PTPRD: variants seen among roughly 807,000 people sequenced by gnomAD.
PTPRD encodes the protein protein tyrosine phosphatase receptor type D, also known as receptor-type tyrosine-protein phosphatase delta.
A neutral mutation model predicts 214.5 loss-of-function variants in PTPRD; 34 were observed. The ratio of observed to expected loss-of-function variants is 0.16; its 90% CI spans 0.12 to 0.21. The LOEUF is 0.21. Ranked by LOEUF, PTPRD falls within the 10% of genes least tolerant of loss-of-function variation. The probability of loss-of-function intolerance (pLI) is 1.00; values close to 1 mark genes in which losing one functional copy is unlikely to be tolerated. For synonymous variants in PTPRD, 1,128 were observed against 845.7 expected (o/e 1.33, Z -5.79); for missense variants, 2,545 against 2,398.7 (o/e 1.06, Z -1.27).
chr9:9,489,708 C>G (rs994134744), intron 8 of PTPRD, among the ~76,000 whole-genome samples: 2 of 152,018 alleles, frequency 1.3e-5, no homozygotes, highest in African/African-American at 4.8e-5. Context: ...AAAAATATCA[C>G]TGAGTCTTTA....
intron 11 of PTPRD, among the ~76,000 whole-genome samples, chr9:8,881,849 C>G (rs1277960895): frequency 6.6e-6 from 1 of 152,182 alleles, no homozygotes; most frequent in Non-Finnish European, 1.5e-5. Context: ...CCTCAGTTAC[C>G]TTTCTAGACA....
chr9:10,580,509 A>C (rs2071356697), intron 2 of PTPRD, among the ~76,000 whole-genome samples: 1 of 152,138 alleles, frequency 6.6e-6, no homozygotes, highest in Non-Finnish European at 1.5e-5. Context: ...TAATTGCATA[A>C]AATTTTGTTA....
intron 8 of PTPRD, among the ~76,000 whole-genome samples, chr9:9,407,030 A>C (rs1317249728): frequency 3.3e-5 from 5 of 151,814 alleles, no homozygotes; most frequent in South Asian, 2.1e-4. Flanking sequence ...TTTTCTCATA[A>C]GTAAATAGGA....
At chr9:9,221,148 C>T (rs1299197757) in intron 9 of PTPRD, among the ~76,000 whole-genome samples, 1 of 152,008 alleles carries the variant, frequency 6.6e-6, no homozygotes, top group African/African-American at 2.4e-5. Context: ...TAAGAGATTG[C>T]CTCAACAATT....
At chr9:8,843,030 T>C (rs1447727798) in intron 11 of PTPRD, among the ~76,000 whole-genome samples, 1 of 152,146 alleles carries the variant, frequency 6.6e-6, no homozygotes, top group Non-Finnish European at 1.5e-5. Flanking sequence ...AGATGTTAAA[T>C]TACATAATCA....
At chr9:9,358,844 G>T (rs997861460) in intron 9 of PTPRD, among the ~76,000 whole-genome samples, 1 of 151,250 alleles carries the variant, frequency 6.6e-6, no homozygotes, top group Non-Finnish European at 1.5e-5. Flanking sequence ...TCTTGTATAG[G>T]AAACTCAAGG....
chr9:8,373,707 G>C (rs1363593057), intron 39 of PTPRD, among the ~76,000 whole-genome samples: 1 of 148,780 alleles, frequency 6.7e-6, no homozygotes, highest in African/African-American at 2.5e-5. Flanking sequence ...TCTCATATTT[G>C]CTATTTGCTT....
intron 10 of PTPRD, among the ~76,000 whole-genome samples, chr9:9,147,813 C>G (rs1490448348): frequency 6.6e-6 from 1 of 152,146 alleles, no homozygotes; most frequent in Non-Finnish European, 1.5e-5. Context: ...TTTCCCAAAT[C>G]TGGAATATCA....
At chr9:8,608,064 G>A (rs1034678070) in intron 14 of PTPRD, among the ~76,000 whole-genome samples, 1 of 151,712 alleles carries the variant, frequency 6.6e-6, no homozygotes, top group African/African-American at 2.4e-5. Context: ...CCAGTACACT[G>A]TTTTTCCATT....
At chr9:8,595,846 C>T (rs1292830096) in intron 14 of PTPRD, among the ~76,000 whole-genome samples, 2 of 152,134 alleles carry the variant, frequency 1.3e-5, no homozygotes, top group East Asian at 3.9e-4. Context: ...AATTCCTGCT[C>T]TATGTGTCTC....
intron 7 of PTPRD, among the ~76,000 whole-genome samples, chr9:9,707,866 T>C (rs1452743933): frequency 6.6e-6 from 1 of 152,080 alleles, no homozygotes; most frequent in Non-Finnish European, 1.5e-5. Flanking sequence ...CTGCTATGTT[T>C]TGAAATTCCT....
At chr9:8,895,369 A>T (rs2098600595) in intron 11 of PTPRD, among the ~76,000 whole-genome samples, 1 of 152,206 alleles carries the variant, frequency 6.6e-6, no homozygotes, top group East Asian at 1.9e-4. Context: ...ATTAATGGAT[A>T]ATATGTTCCC....
chr9:10,560,992 C>A (rs530998967), intron 2 of PTPRD, among the ~76,000 whole-genome samples: 8 of 152,176 alleles, frequency 5.3e-5, no homozygotes, highest in African/African-American at 1.9e-4. Flanking sequence ...AAATTCTGTT[C>A]GGATAAAGTG....
intron 7 of PTPRD, among the ~76,000 whole-genome samples, chr9:9,642,243 T>C (rs1478695837): frequency 6.2e-5 from 8 of 129,532 alleles, no homozygotes; most frequent in African/African-American, 1.5e-4. Context: ...TGAAGGGGAA[T>C]ACCACACTCT....
At position 9,589,917 on chromosome 9, in the gene PTPRD, C is replaced by G. The variant is rs2092538212; in HGVS notation, c.-286-15136G>C. On this transcript the variant is annotated intron_variant, in intron 7 of 45. Coordinates refer to ENST00000381196, the MANE Select transcript of PTPRD (RefSeq NM_002839.4). ...AGAAGATGCTGGGTCATTATTTCTA[C>G]AGGTCATCTCGGCAATATCTATCCA... Among the ~76,000 whole-genome samples the G allele has an allele frequency of 3.3e-5, 5 of 151,884 alleles. No homozygotes were observed. In the South Asian group the frequency reaches 1.0e-3, roughly 31 times the overall value.
chr9:10,515,609 ATCT>A (rs1431133707), intron 2 of PTPRD, among the ~76,000 whole-genome samples: 2 of 151,966 alleles, frequency 1.3e-5, no homozygotes, highest in Non-Finnish European at 2.9e-5. Context: ...TTAATATAAG[ATCT>A]ACCTTCTTAA....
At chr9:9,936,351 G>C (rs1355653378) in intron 5 of PTPRD, among the ~76,000 whole-genome samples, 4 of 151,736 alleles carry the variant, frequency 2.6e-5, no homozygotes, top group African/African-American at 2.4e-5. Flanking sequence ...CTAATATCCA[G>C]AATCTACAAT....
chr9:9,749,780 A>G lies in PTPRD; in HGVS notation c.-325-15209T>C, dbSNP rs138808892. ...TAAGGCAAAAGTTAGGAGTATAGTT[A>G]TTAGAACAACTCTCAGGTTAGTCAC... On this transcript the variant is annotated intron_variant, in intron 6 of 45. Coordinates refer to ENST00000381196, the MANE Select transcript of PTPRD (RefSeq NM_002839.4). Among the ~76,000 whole-genome samples the G allele has an allele frequency of 4.7e-4, 72 of 152,298 alleles. 1 individual carries two copies. The East Asian group carries it at 0.013, about 28-fold the overall frequency.
At chr9:10,373,543 T>C (rs1699935943) in intron 2 of PTPRD, among the ~76,000 whole-genome samples, 1 of 152,136 alleles carries the variant, frequency 6.6e-6, no homozygotes, top group South Asian at 2.1e-4. Context: ...GGACACTGGA[T>C]CATTAGTTAA....
Sources: gnomAD v4.1 joint callset for allele counts (sites outside exome capture counted in the v4.1 genomes callset) on GRCh38, gnomAD v4.1.1 for gene constraint, MANE v1.5 for transcripts, NCBI Gene and HGNC (gene_info 2026-07-23, HGNC 2026-07-21) for gene names.